TSACC: variants seen among roughly 807,000 people sequenced by gnomAD.
The protein encoded by TSACC is TSSK6-activating co-chaperone protein.
A neutral mutation model predicts 6.9 loss-of-function variants in TSACC; 3 were observed. The ratio of observed to expected loss-of-function variants is 0.43; its 90% CI spans 0.20 to 1.12. The LOEUF (loss-of-function observed/expected upper bound fraction) is 1.12, where lower values mean the gene tolerates loss of function less well. Among genes scored for constraint, TSACC ranks in the 50% most tolerant of loss-of-function variants. The probability of loss-of-function intolerance (pLI) is 0.28; values close to 1 mark genes in which losing one functional copy is unlikely to be tolerated. For missense variants in TSACC, 137 were observed against 143.9 expected, an observed-to-expected ratio of 0.95 and a Z score of 0.24; for synonymous variants, 54 against 55.1, an observed-to-expected ratio of 0.98 and a Z score of 0.09.
intron 2 of TSACC, 48 bp from the exon 3 acceptor site, chr1:156,344,532 G>A: frequency 6.3e-7 from 1 of 1,599,852 alleles, no homozygotes; most frequent in Non-Finnish European, 8.5e-7. Flanking sequence ...TAATTAGAAA[G>A]GCTGTCCCTT....
intron 1 of TSACC, 100 bp from the exon 2 acceptor site, chr1:156,339,534 C>A: frequency 1.9e-5 from 9 of 480,394 alleles, no homozygotes; most frequent in Non-Finnish European, 1.8e-5. Context: ...TAAAGGAAAA[C>A]TGTTTTCCAA....
rs145584681 is a variant in TSACC, at chr1:156,344,759, C to T, written c.163+51C>T. 40 of 1,592,384 alleles carry T rather than the reference C, an allele frequency of 2.5e-5. No homozygotes were observed. The East Asian group carries it at 8.8e-4, about 35-fold the overall frequency. On this transcript the variant is annotated intron_variant, in intron 3 of 3. Transcript: ENST00000368254. ...ATGGACTCAACAGGGGGAAGGGTTG[C>T]ATGGAGGAGGTGGCTTGAGCTGTCG...
chr1:156,342,627 T>A (rs762434081), intron 2 of TSACC, among the ~76,000 whole-genome samples: 5 of 152,258 alleles, frequency 3.3e-5, no homozygotes, highest in Non-Finnish European at 5.9e-5. Context: ...AGCTGAGATA[T>A]TATTTCCTCA....
chr1:156,341,926 G>A (rs1457635336), intron 2 of TSACC, among the ~76,000 whole-genome samples: 1 of 152,048 alleles, frequency 6.6e-6, no homozygotes, highest in Non-Finnish European at 1.5e-5. Flanking sequence ...GCCGGGCATT[G>A]TAGTGGGCAC....
At chr1:156,344,341 G>A (rs773870099) in intron 2 of TSACC, among the ~76,000 whole-genome samples, 2 of 152,072 alleles carry the variant, frequency 1.3e-5, no homozygotes, top group South Asian at 2.1e-4. Flanking sequence ...TAGTACAGTC[G>A]CAAGCATGTA....
chr1:156,339,815 C>G (rs1424602660), intron 2 of TSACC, 24 bp downstream of exon 2: 39 of 1,612,852 alleles, frequency 2.4e-5, no homozygotes, highest in Non-Finnish European at 2.7e-5. Flanking sequence ...GCCCTGCTTC[C>G]CCTCCCTTAA....
At chr1:156,342,111 G>C (rs887732753) in intron 2 of TSACC, among the ~76,000 whole-genome samples, 9 of 151,544 alleles carry the variant, frequency 5.9e-5, no homozygotes, top group African/African-American at 1.9e-4. Context: ...CCTATGTCCA[G>C]GAAGGACTCA....
At position 156,344,585 on chromosome 1, in the gene TSACC, G is replaced by A. The variant is rs1315698912; in HGVS notation, c.40G>A (p.Ala14Thr). 1 of 1,613,718 alleles carries A rather than the reference G, an allele frequency of 6.2e-7. No individual in the cohort carries two copies. The highest frequency in any genetic ancestry group is 1.1e-5 in the South Asian group (1 of 91,026). ...HTSHPNRKVPAKEEANAVPLC... is the reference protein window; with the variant it reads ...HTSHPNRKVPTKEEANAVPLC... ...TTTAGTTATCTCTGATTTAGTTCCA[G>A]CCAAAGAGGAAGCTAATGCTGTGCC... Residue 14 changes from alanine (A) to threonine (T), a missense_variant, in exon 3 of 4, where the codon GCC becomes ACC. Coordinates refer to ENST00000368254, the MANE Select transcript of TSACC (RefSeq NM_001304817.2).
chr1:156,339,196 G>A (rs1324002789), intron 1 of TSACC, among the ~76,000 whole-genome samples: 3 of 151,836 alleles, frequency 2.0e-5, no homozygotes, highest in East Asian at 1.9e-4. Context: ...CCCTGGAGAC[G>A]GAGGTTGCAG....
intron 2 of TSACC, among the ~76,000 whole-genome samples, chr1:156,342,118 C>G (rs1300128599): frequency 6.6e-6 from 1 of 150,974 alleles, no homozygotes; most frequent in African/African-American, 2.4e-5. Context: ...CCAGGAAGGA[C>G]TCAAATTATT....
chr1:156,344,632 C>T lies in TSACC; in HGVS notation c.87C>T (p.Ser29=). The change falls in exon 3 of 4, where the codon TCC becomes TCT. Residue 29 remains serine, a synonymous_variant. Transcript: ENST00000368254. ...TGCCTCTCTGTAGAGCAAAACCCTCCCCCAGCTATATTAATCTTCAAGCAA... is the reference window on the plus strand; with the variant it reads ...TGCCTCTCTGTAGAGCAAAACCCTCTCCCAGCTATATTAATCTTCAAGCAA... The part of the protein sequence containing the change: ...NAVPLCRAKP[S]PSYINLQASS... The T allele has an allele frequency of 6.2e-7, 1 of 1,614,070 alleles. No individual in the cohort carries two copies. Among genetic ancestry groups the T allele is most frequent in the Non-Finnish European group, 8.5e-7 (1 of 1,180,000 alleles).
intron 2 of TSACC, among the ~76,000 whole-genome samples, chr1:156,340,391 C>T (rs977194200): frequency 2.0e-5 from 3 of 151,998 alleles, no homozygotes; most frequent in Non-Finnish European, 2.9e-5. Context: ...AATCTCCTGA[C>T]CTTGTGATCC....
At chr1:156,343,431 G>C (rs1316833660) in intron 2 of TSACC, among the ~76,000 whole-genome samples, 1 of 152,160 alleles carries the variant, frequency 6.6e-6, no homozygotes, top group Non-Finnish European at 1.5e-5. Flanking sequence ...CTTGTCTCTA[G>C]TCTCTTGCTT....
intron 3 of TSACC, among the ~76,000 whole-genome samples, chr1:156,345,021 T>G (rs1402885425): frequency 1.3e-5 from 2 of 152,138 alleles, no homozygotes; most frequent in Non-Finnish European, 2.9e-5. Flanking sequence ...GAAGGTAAAA[T>G]TTTAAAAAAC....
chr1:156,337,802 C>CAA (rs11376291), upstream of TSACC: 684 of 272,652 alleles, frequency 2.5e-3, no homozygotes, highest in South Asian at 5.4e-3. Flanking sequence ...GAAAAAAAAA[C>CAA]AAAAAAAAAC....
rs542541288 is a variant in TSACC at position 156,342,599 on chromosome 1, C to A, written c.35-1981C>A. On this transcript the variant is annotated intron_variant, in intron 2 of 3. Transcript: ENST00000368254. ...GCTTGTTTTTTATGAAGAGGCCCTT[C>A]TTAATCCTTCAGATCCCAGCTGAGA... 2.0e-5 allele frequency among the ~76,000 whole-genome samples: 3 copies of A among 152,366 alleles called. No homozygotes were observed. In the South Asian group the frequency reaches 6.2e-4, roughly 32 times the overall value.
At chr1:156,341,895 T>C (rs746835498) in intron 2 of TSACC, among the ~76,000 whole-genome samples, 6 of 151,868 alleles carry the variant, frequency 4.0e-5, no homozygotes, top group Non-Finnish European at 5.9e-5. Context: ...AACCCGTCTC[T>C]ACTAAAAATA....
chr1:156,338,011 G>C (rs1353362278), upstream of TSACC: 1 of 853,092 alleles, frequency 1.2e-6, no homozygotes, highest in African/African-American at 1.7e-5. Context: ...AGAGGAAAGC[G>C]GGACACTGGG....
chr1:156,344,817 A>G, intron 3 of TSACC, 109 bp downstream of exon 3: 2 of 1,322,974 alleles, frequency 1.5e-6, no homozygotes, highest in Non-Finnish European at 2.1e-6. Context: ...TATGTTAGGC[A>G]TCTATAGATC....
Sources: gnomAD v4.1 joint callset for allele counts (sites outside exome capture counted in the v4.1 genomes callset) on GRCh38, gnomAD v4.1.1 for gene constraint, MANE v1.5 for transcripts, NCBI Gene and HGNC (gene_info 2026-07-23, HGNC 2026-07-21) for gene names.